Variants in RBM25 observed in about 807,000 individuals in gnomAD.
RBM25 encodes RNA binding motif protein 25, also known as RNA-binding protein 25.
In RBM25, 19 loss-of-function variants were observed where a neutral mutation model predicts 120.7. The ratio of observed to expected loss-of-function variants is 0.16; its 90% CI spans 0.11 to 0.23. RBM25 has a LOEUF of 0.23. Among genes scored for constraint, RBM25 ranks in the 10% least tolerant of loss-of-function variants. The pLI is 1.00. For synonymous variants in RBM25, 390 were observed against 326.7 expected, an observed-to-expected ratio of 1.19 and a Z score of -2.09; for missense variants, 605 against 1,041.5, an observed-to-expected ratio of 0.58 and a Z score of 5.77.
intron 18 of RBM25, among the ~76,000 whole-genome samples, chr14:73,116,886 T>C (rs953772102): frequency 6.6e-6 from 1 of 152,216 alleles, no homozygotes; most frequent in African/African-American, 2.4e-5. Flanking sequence ...ACAGCTCTGC[T>C]AAAAAGCTCA....
rs746921785 is a variant in RBM25, at chr14:73,111,671, G to A, written c.2161G>A (p.Asp721Asn). ...GGTTCCCTTGGATTATGGTGAAGAT[G>A]ATAAAAATGCAACCAAAGGCACTGT... ...KLVPLDYGEDDKNATKGTVNT... is the reference protein window; with the variant it reads ...KLVPLDYGEDNKNATKGTVNT... The change falls in exon 16 of 19, where the codon GAT (aspartate) becomes AAT (asparagine). Residue 721 changes from aspartate to asparagine, a missense_variant. Asp to Asn is a conservative substitution (Grantham distance 23). Transcript: ENST00000261973. The A allele has an allele frequency of 2.5e-6, 4 of 1,614,134 alleles. No individual in the cohort carries two copies. The highest frequency in any genetic ancestry group is 3.4e-6 in the Non-Finnish European group (4 of 1,180,024).
At chr14:73,099,931 ATGT>A (rs948024790) in intron 9 of RBM25, 181 bp downstream of exon 9, 2 of 973,330 alleles carry the variant, frequency 2.1e-6, no homozygotes, top group African/African-American at 3.4e-5. Context: ...GGTCCTTGAC[ATGT>A]TGTGCTTAGT....
intron 1 of RBM25, chr14:73,068,557 C>A: frequency 3.1e-6 from 2 of 649,772 alleles, no homozygotes; most frequent in South Asian, 2.7e-5. Context: ...TTCTTTGGCA[C>A]TGATGTGCTT....
In RBM25 at chr14:73,110,423, T is replaced by TTTTTTC. The variant is rs575685265; in HGVS notation, c.1693-390_1693-385dup. 7.5e-4 allele frequency among the ~76,000 whole-genome samples: 114 copies of TTTTTTC among 151,770 alleles called. 1 individual carries two copies. The East Asian group carries it at 0.016, about 21-fold the overall frequency. The stretch of plus-strand genomic sequence containing the variant: ...ATTGAGCCACTGCCCATGTCCTTTT[T>TTTTTTC]TTTTTCTTTTTCTTTTTCTTTTTTT... On this transcript the variant is annotated intron_variant, in intron 14 of 18. Transcript: ENST00000261973.
rs371921423 is a variant in RBM25 at position 73,114,345 on chromosome 14, A to G, written c.2439+12A>G. On this transcript the variant is annotated intron_variant, in intron 18 of 18. Transcript: ENST00000261973. ...ATGATGTTGCCATGGTAAGTTAGAAATTCACTATTTTTATTTCTTTTAATT... is the reference window on the plus strand; with the variant it reads ...ATGATGTTGCCATGGTAAGTTAGAAGTTCACTATTTTTATTTCTTTTAATT... 2 of 1,550,232 alleles carry G rather than the reference A, an allele frequency of 1.3e-6. No homozygotes were observed. The highest frequency in any genetic ancestry group is 2.8e-5 in the African/African-American group (2 of 72,282).
At chr14:73,065,886 C>G (rs1397545564) in intron 1 of RBM25, among the ~76,000 whole-genome samples, 1 of 151,150 alleles carries the variant, frequency 6.6e-6, no homozygotes, top group Non-Finnish European at 1.5e-5. Context: ...TTATTTATAT[C>G]TAATATTATT....
intron 14 of RBM25, 36 bp from the exon 15 acceptor site, chr14:73,110,795 G>A (rs1896295394): frequency 4.4e-6 from 7 of 1,573,532 alleles, no homozygotes; most frequent in South Asian, 3.6e-5. Flanking sequence ...GAATGGTGTA[G>A]AGTTGTAGTT....
chr14:73,107,465 T>C (rs540688379), intron 12 of RBM25: 1 of 171,294 alleles, frequency 5.8e-6, no homozygotes, highest in East Asian at 1.8e-4. Flanking sequence ...AAACATTTTA[T>C]GTACAACTGT....
At chr14:73,066,310 C>T (rs1219511783) in intron 1 of RBM25, among the ~76,000 whole-genome samples, 2 of 152,264 alleles carry the variant, frequency 1.3e-5, no homozygotes, top group East Asian at 3.9e-4. Context: ...CTGTTTAAAA[C>T]ATTTCTAATA....
chr14:73,103,545 T>A, intron 10 of RBM25, 67 bp downstream of exon 10: 1 of 1,509,378 alleles, frequency 6.6e-7, no homozygotes, highest in Non-Finnish European at 8.8e-7. Context: ...TCCTCCAGAG[T>A]ACCATTTGCA....
At chr14:73,105,432 T>TA (rs1566598356) in intron 10 of RBM25, among the ~76,000 whole-genome samples, 1 of 152,360 alleles carries the variant, frequency 6.6e-6, no homozygotes, top group African/African-American at 2.4e-5. Context: ...TGCCAGCACT[T>TA]ACTCCTTGAT....
chr14:73,077,381 A>T lies in RBM25; in HGVS notation c.169A>T (p.Thr57Ser). The stretch of plus-strand genomic sequence containing the variant: ...TTCTTCACCTTAGGTCTTAGTACCC[A>T]CTGTGTCTATGGTTGGAAAGCATTT... ...MAPAPTVLVP[T>S]VSMVGKHLGA... Residue 57 changes from threonine (T) to serine (S), a missense_variant, in exon 4 of 19, where the codon ACT becomes TCT. Physicochemically the swap from Thr to Ser is moderately conservative, Grantham distance 58. Around this residue, in one of 4 missense-constraint regions of RBM25, gnomAD observed 90 missense variants for 107.3 expected, o/e 0.84. Transcript: ENST00000261973. 6.2e-7 allele frequency: 1 copy of T among 1,611,548 alleles called. No individual in the cohort carries two copies. Among genetic ancestry groups the T allele is most frequent in the East Asian group, 2.2e-5 (1 of 44,844 alleles).
At chr14:73,087,202 C>T (rs945541718) in intron 5 of RBM25, among the ~76,000 whole-genome samples, 2 of 152,012 alleles carry the variant, frequency 1.3e-5, no homozygotes, top group Non-Finnish European at 2.9e-5. Flanking sequence ...CTGTTAAAGT[C>T]ATCTTAATAG....
At chr14:73,064,848 A>G (rs1895088753) in intron 1 of RBM25, 1 of 151,488 alleles carries the variant, frequency 6.6e-6, no homozygotes, top group South Asian at 2.1e-4. Context: ...TGGAATGGGT[A>G]TATTGGCATA....
intron 2 of RBM25, among the ~76,000 whole-genome samples, chr14:73,072,323 CA>C (rs1015885569): frequency 1.5e-4 from 22 of 146,250 alleles, no homozygotes; most frequent in East Asian, 2.0e-4. Flanking sequence ...TGTTCAAAAA[CA>C]AAAAAAAAAT....
chr14:73,095,133 G>A (rs774195233), intron 6 of RBM25, among the ~76,000 whole-genome samples: 4 of 152,048 alleles, frequency 2.6e-5, no homozygotes, highest in Non-Finnish European at 4.4e-5. Flanking sequence ...GGTTGCAGGC[G>A]TGAGCCACCG....
intron 12 of RBM25, 121 bp downstream of exon 12, chr14:73,106,406 A>T: frequency 1.2e-6 from 1 of 808,478 alleles, no homozygotes; most frequent in South Asian, 4.0e-5. Context: ...GTATAATTTA[A>T]TTTTTATGTA....
At chr14:73,108,400 G>A (rs1411620296) in intron 13 of RBM25, among the ~76,000 whole-genome samples, 1 of 152,078 alleles carries the variant, frequency 6.6e-6, no homozygotes, top group East Asian at 1.9e-4. Flanking sequence ...TAACTATCTG[G>A]GTTTTTCTAG....
rs1894918623 is a variant in RBM25, at chr14:73,058,618, C to G, written c.-103C>G. On this transcript the variant is annotated 5_prime_UTR_variant, in exon 1 of 19. Coordinates refer to ENST00000261973, the MANE Select transcript of RBM25 (RefSeq NM_021239.3). ...TTGGGCACTCAGTCTCCCTGGCGAG[C>G]GACGGGCAGAAATCTCGAACCAGTG... The G allele has an allele frequency of 6.6e-6, 1 of 152,174 alleles. No homozygotes were observed. Among genetic ancestry groups the G allele is most frequent in the South Asian group, 2.1e-4 (1 of 4,828 alleles). The allele number at this position is 152,174 out of a possible 1,614,324, so 9.4% of individuals were successfully genotyped here.
Sources: gnomAD v4.1 joint callset for allele counts (sites outside exome capture counted in the v4.1 genomes callset) on GRCh38, gnomAD v4.1.1 for gene constraint, gnomAD v4.1.1 regional missense constraint, MANE v1.5 for transcripts, NCBI Gene and HGNC (gene_info 2026-07-23, HGNC 2026-07-21) for gene names.